Variants in TMEM38A observed in about 807,000 individuals in gnomAD.
The protein encoded by TMEM38A is transmembrane protein 38A, also known as trimeric intracellular cation channel type A.
Under a neutral mutation model 28.6 loss-of-function variants are expected in TMEM38A, and 17 were observed. The ratio of observed to expected loss-of-function variants is 0.60; its 90% CI spans 0.41 to 0.89. The LOEUF (loss-of-function observed/expected upper bound fraction) is 0.89, where lower values mean the gene tolerates loss of function less well. TMEM38A is among the 40% of genes least tolerant of loss of function. TMEM38A has a pLI of 0.00. For missense variants in TMEM38A, 328 were observed against 393.1 expected, an observed-to-expected ratio of 0.83 and a Z score of 1.40; for synonymous variants, 169 against 166.1, an observed-to-expected ratio of 1.02 and a Z score of -0.14.
intron 4 of TMEM38A, among the ~76,000 whole-genome samples, chr19:16,685,459 C>G (rs1473035657): frequency 6.6e-6 from 1 of 152,168 alleles, no homozygotes; most frequent in Non-Finnish European, 1.5e-5. Flanking sequence ...TGAAAATATC[C>G]AGTTTTCCTC....
rs1200061304 is a variant in TMEM38A, at chr19:16,686,292, A to C, written c.559A>C (p.Thr187Pro). ...TNEILHMSFP[T>P]KASLYGAILF... ...AATGACAGCTGCTCCCTCCAGCCCC[A>C]CCAAGGCCAGCCTGTATGGAGCCAT... Residue 187 changes from threonine (T) to proline (P), a missense_variant, in exon 5 of 6, where the codon ACC becomes CCC. Physicochemically the swap from Thr to Pro is conservative, Grantham distance 38. Coordinates refer to ENST00000187762, the MANE Select transcript of TMEM38A (RefSeq NM_024074.4). 6.2e-7 allele frequency: 1 copy of C among 1,612,016 alleles called. No homozygotes were observed. Among genetic ancestry groups the C allele is most frequent in the Non-Finnish European group, 8.5e-7 (1 of 1,179,734 alleles).
intron 1 of TMEM38A, among the ~76,000 whole-genome samples, chr19:16,672,783 C>T (rs1014300096): frequency 2.0e-5 from 3 of 152,076 alleles, no homozygotes; most frequent in Admixed American, 6.6e-5. Context: ...AACCTTTTCA[C>T]TCAGCAGTAA....
At chr19:16,686,244 G>C in intron 4 of TMEM38A, 44 bp from the exon 5 acceptor site, 2 of 1,485,458 alleles carry the variant, frequency 1.3e-6, no homozygotes, top group Non-Finnish European at 1.9e-6. Context: ...ATGAAGACTT[G>C]AGCCATGCAG....
In TMEM38A at chr19:16,682,312, C is replaced by A; in HGVS notation, c.467-109C>A. 3 of 838,872 alleles carry A rather than the reference C, an allele frequency of 3.6e-6. No homozygotes were observed. The Admixed American group carries it at 5.9e-5, about 17-fold the overall frequency. The allele number at this position is 838,872 out of a possible 1,614,324, so 52.0% of individuals were successfully genotyped here. On this transcript the variant is annotated intron_variant, in intron 3 of 5. Coordinates refer to ENST00000187762, the MANE Select transcript of TMEM38A (RefSeq NM_024074.4). ...GATCATACACCCCCAGGCTCAGTGTCCTTCTAGAGAAGATTCTGGGAGTGG... is the reference window on the plus strand; with the variant it reads ...GATCATACACCCCCAGGCTCAGTGTACTTCTAGAGAAGATTCTGGGAGTGG...
chr19:16,665,067 G>A (rs138876618), intron 1 of TMEM38A, among the ~76,000 whole-genome samples: 22 of 152,132 alleles, frequency 1.4e-4, no homozygotes, highest in African/African-American at 4.6e-4. Flanking sequence ...GGCTGAGGTG[G>A]GCAGATCACC....
intron 3 of TMEM38A, 114 bp downstream of exon 3, chr19:16,680,695 C>T: frequency 9.6e-7 from 1 of 1,039,692 alleles, no homozygotes; most frequent in South Asian, 1.5e-5. Flanking sequence ...GGCATAAAGA[C>T]TGCAGTAGGT....
chr19:16,664,234 G>A (rs936275823), intron 1 of TMEM38A, among the ~76,000 whole-genome samples: 5 of 149,678 alleles, frequency 3.3e-5, no homozygotes, highest in African/African-American at 5.1e-5. Context: ...TGGGCAACAT[G>A]ACAAAACCCC....
chr19:16,667,523 C>A (rs1230294210), intron 1 of TMEM38A, among the ~76,000 whole-genome samples: 1 of 152,100 alleles, frequency 6.6e-6, no homozygotes, highest in Non-Finnish European at 1.5e-5. Flanking sequence ...CAGTACTTCT[C>A]AAACTCACCT....
chr19:16,675,914 A>C (rs2086748835), intron 1 of TMEM38A, among the ~76,000 whole-genome samples: 1 of 152,070 alleles, frequency 6.6e-6, no homozygotes, highest in Non-Finnish European at 1.5e-5. Flanking sequence ...CGACCTCCTA[A>C]TGCTATCACA....
At chr19:16,665,787 T>G (rs2086700375) in intron 1 of TMEM38A, among the ~76,000 whole-genome samples, 1 of 151,890 alleles carries the variant, frequency 6.6e-6, no homozygotes, top group Admixed American at 6.6e-5. Context: ...TCAGGCTTGC[T>G]TACTTTTCTG....
intron 1 of TMEM38A, among the ~76,000 whole-genome samples, chr19:16,665,953 C>T (rs1489943100): frequency 6.6e-6 from 1 of 151,800 alleles, no homozygotes; most frequent in Non-Finnish European, 1.5e-5. Flanking sequence ...GGATTACAAG[C>T]ATCCACCACC....
chr19:16,682,327 T>G, intron 3 of TMEM38A, 94 bp from the exon 4 acceptor site: 1 of 974,390 alleles, frequency 1.0e-6, no homozygotes. Flanking sequence ...TAGAGAAGAT[T>G]CTGGGAGTGG....
At chr19:16,685,542 CA>C (rs2086798292) in intron 4 of TMEM38A, among the ~76,000 whole-genome samples, 1 of 152,194 alleles carries the variant, frequency 6.6e-6, no homozygotes, top group African/African-American at 2.4e-5. Flanking sequence ...GGTGTACTGC[CA>C]ACCAGGGAAG....
intron 1 of TMEM38A, among the ~76,000 whole-genome samples, chr19:16,667,846 C>G (rs1252508296): frequency 6.9e-6 from 1 of 145,796 alleles, no homozygotes; most frequent in African/African-American, 2.6e-5. Flanking sequence ...GGTGACAGAG[C>G]AAGACTCCGT....
chr19:16,670,705 G>A (rs906299864), intron 1 of TMEM38A, among the ~76,000 whole-genome samples: 24 of 152,188 alleles, frequency 1.6e-4, no homozygotes, highest in Non-Finnish European at 3.1e-4. Flanking sequence ...CTGGGAGGCC[G>A]AGGAAGGTGG....
chr19:16,673,932 GA>G (rs112749120), intron 1 of TMEM38A, among the ~76,000 whole-genome samples: 8,315 of 139,502 alleles, frequency 0.06, 783 homozygotes, highest in African/African-American at 0.2. Context: ...TACAAAAAAA[GA>G]AAAAAAAAAA....
intron 4 of TMEM38A, among the ~76,000 whole-genome samples, chr19:16,683,592 CAAAA>C (rs558424228): frequency 7.4e-5 from 6 of 80,946 alleles, no homozygotes; most frequent in Admixed American, 1.5e-4. Flanking sequence ...GACCTTGTCT[CAAAA>C]AAAAAAAAAA....
intron 1 of TMEM38A, among the ~76,000 whole-genome samples, chr19:16,677,519 T>C (rs1185325090): frequency 6.6e-6 from 1 of 151,134 alleles, no homozygotes; most frequent in Non-Finnish European, 1.5e-5. Flanking sequence ...AAATTTTTTG[T>C]AGAGATGGGG....
In TMEM38A at chr19:16,688,378, G is replaced by C; in HGVS notation, c.*7G>C. On this transcript the variant is annotated 3_prime_UTR_variant, in exon 6 of 6. Transcript: ENST00000187762. ...GGCCAAGAAGGCGGATTAGGGGGTGGCCCAAGGGGCACCGGGGAGAGGACC... is the reference window on the plus strand; with the variant it reads ...GGCCAAGAAGGCGGATTAGGGGGTGCCCCAAGGGGCACCGGGGAGAGGACC... 6.4e-7 allele frequency: 1 copy of C among 1,559,404 alleles called. No individual in the cohort carries two copies. The highest frequency in any genetic ancestry group is 8.7e-7 in the Non-Finnish European group (1 of 1,156,004).
Sources: allele counts gnomAD v4.1 joint callset (sites outside exome capture counted in the v4.1 genomes callset), GRCh38; gene constraint gnomAD v4.1.1; transcripts MANE v1.5; gene names NCBI Gene and HGNC (gene_info 2026-07-23, HGNC 2026-07-21).